CABCOCO1: variants seen among roughly 807,000 people sequenced by gnomAD.
The protein encoded by CABCOCO1 is ciliary-associated calcium-binding coiled-coil protein 1.
CABCOCO1 carries 28 observed loss-of-function variants against 35.7 expected under a neutral mutation model. The observed-to-expected ratio is 0.78, with a 90% CI of 0.58 to 1.07. The LOEUF is 1.07. CABCOCO1 is among the 50% of genes least tolerant of loss of function. CABCOCO1 has a pLI of 0.00. For missense variants in CABCOCO1, 326 were observed against 309.2 expected (o/e 1.05, Z -0.41); for synonymous variants, 95 against 100.1 (o/e 0.95, Z 0.30).
At position 61,754,789 on chromosome 10, in the gene CABCOCO1, ACT is replaced by A. The variant is rs1841862848; in HGVS notation, c.553-5269_553-5268del. 5.9e-5 allele frequency among the ~76,000 whole-genome samples: 9 copies of A among 152,204 alleles called. No individual in the cohort carries two copies. In the South Asian group the frequency reaches 1.9e-3, roughly 32 times the overall value. ...AACTTGTTGTACTGTGTTACCGTTC[ACT>A]GTTTAGGTGATTAGCATGTGTGGAT... On this transcript the variant is annotated intron_variant, in intron 5 of 7. Transcript: ENST00000648843.
intron 5 of CABCOCO1, among the ~76,000 whole-genome samples, chr10:61,754,762 C>T (rs1010373872): frequency 3.3e-5 from 5 of 152,068 alleles, no homozygotes; most frequent in Admixed American, 6.6e-5. Context: ...ATTTCCTGTC[C>T]TAACTTGTTG....
At chr10:61,727,897 T>A (rs1340373158) in intron 5 of CABCOCO1, among the ~76,000 whole-genome samples, 1 of 152,198 alleles carries the variant, frequency 6.6e-6, no homozygotes, top group Non-Finnish European at 1.5e-5. Context: ...ATATATAAAC[T>A]ATTTAAGTCA....
At chr10:61,689,250 T>G (rs1053248541) in intron 4 of CABCOCO1, among the ~76,000 whole-genome samples, 7 of 152,186 alleles carry the variant, frequency 4.6e-5, no homozygotes, top group Non-Finnish European at 1.0e-4. Context: ...TCTTAAGGCT[T>G]TCTCTAGGTA....
chr10:61,686,140 T>C lies in CABCOCO1; in HGVS notation c.434T>C (p.Phe145Ser). Residue 145 changes from phenylalanine to serine, a missense_variant, in exon 4 of 8, where the codon TTT (phenylalanine) becomes TCT (serine). By Grantham distance (155) the Phe-to-Ser change is radical. Transcript: ENST00000648843. ...CAAAAGAGTGAGGACTGGAATATCTTTGATGTAAAACAAGCCAATGCTATC... is the reference window on the plus strand; with the variant it reads ...CAAAAGAGTGAGGACTGGAATATCTCTGATGTAAAACAAGCCAATGCTATC... Reference protein sequence around the residue: ...HSQKSEDWNIFDVKQANAIID... With the variant: ...HSQKSEDWNISDVKQANAIID... The C allele has an allele frequency of 1.9e-6, 3 of 1,598,620 alleles. No individual in the cohort carries two copies. Among genetic ancestry groups the C allele is most frequent in the Non-Finnish European group, 2.6e-6 (3 of 1,175,874 alleles).
intron 4 of CABCOCO1, among the ~76,000 whole-genome samples, chr10:61,686,687 A>G (rs1037862531): frequency 2.6e-5 from 4 of 152,156 alleles, no homozygotes; most frequent in Admixed American, 1.3e-4. Context: ...ACTTCCTCAA[A>G]TTTATTACAT....
chr10:61,691,068 C>T (rs888436671), intron 5 of CABCOCO1, among the ~76,000 whole-genome samples: 4 of 152,110 alleles, frequency 2.6e-5, no homozygotes, highest in African/African-American at 7.2e-5. Context: ...ATCAAACCTA[C>T]CTTAATTGCA....
At chr10:61,734,040 C>T (rs1419474137) in intron 5 of CABCOCO1, among the ~76,000 whole-genome samples, 1 of 152,004 alleles carries the variant, frequency 6.6e-6, no homozygotes, top group Non-Finnish European at 1.5e-5. Flanking sequence ...AACTGTTATA[C>T]TTCCCCCCGC....
Position 61,739,249 on chromosome 10 carries a change from T to C in CABCOCO1, c.553-20810T>C, listed in dbSNP as rs569083777. On this transcript the variant is annotated intron_variant, in intron 5 of 7. Transcript: ENST00000648843. Reference sequence around the variant, plus strand: ...TTCTCTAGGAATCTTGCTCGAGAGGTTGAGAATTGCTACCACTTGAAAGTG... The same window carrying C: ...TTCTCTAGGAATCTTGCTCGAGAGGCTGAGAATTGCTACCACTTGAAAGTG... Among the ~76,000 whole-genome samples the C allele has an allele frequency of 7.9e-5, 12 of 152,290 alleles. No homozygotes were observed. The South Asian group carries it at 2.5e-3, about 32-fold the overall frequency.
chr10:61,730,057 G>T (rs1841264734), intron 5 of CABCOCO1, among the ~76,000 whole-genome samples: 2 of 151,850 alleles, frequency 1.3e-5, no homozygotes, highest in African/African-American at 4.8e-5. Flanking sequence ...AATTTGTTAA[G>T]ATGATAGATC....
At chr10:61,671,617 C>G (rs1839363225) in intron 1 of CABCOCO1, among the ~76,000 whole-genome samples, 1 of 152,098 alleles carries the variant, frequency 6.6e-6, no homozygotes, top group African/African-American at 2.4e-5. Context: ...TCTTTTAGGC[C>G]CCCATAACAT....
intron 5 of CABCOCO1, among the ~76,000 whole-genome samples, chr10:61,695,769 G>C (rs558434164): frequency 6.6e-6 from 1 of 151,870 alleles, no homozygotes; most frequent in African/African-American, 2.4e-5. Flanking sequence ...ACTTCATTCC[G>C]AGAAAAAAAC....
chr10:61,731,401 G>A (rs750548193), intron 5 of CABCOCO1, among the ~76,000 whole-genome samples: 30 of 151,890 alleles, frequency 2.0e-4, no homozygotes, highest in Non-Finnish European at 4.4e-5. Context: ...ATCCTCTGAG[G>A]AGGCATGGTT....
chr10:61,724,849 T>G (rs1383734634), intron 5 of CABCOCO1, among the ~76,000 whole-genome samples: 1 of 152,090 alleles, frequency 6.6e-6, no homozygotes. Context: ...CATTAGGAGA[T>G]ATACCTAATG....
At chr10:61,717,566 G>A (rs1240592934) in intron 5 of CABCOCO1, among the ~76,000 whole-genome samples, 1 of 152,012 alleles carries the variant, frequency 6.6e-6, no homozygotes, top group Non-Finnish European at 1.5e-5. Flanking sequence ...AAAAAGTATT[G>A]CATGTTCAGT....
At chr10:61,763,174 T>G (rs1380178846) in intron 7 of CABCOCO1, among the ~76,000 whole-genome samples, 1 of 152,124 alleles carries the variant, frequency 6.6e-6, no homozygotes, top group Non-Finnish European at 1.5e-5. Flanking sequence ...CATACTGTTA[T>G]TACAATTTTT....
chr10:61,690,068 T>C (rs1440391233), intron 4 of CABCOCO1, among the ~76,000 whole-genome samples: 1 of 152,166 alleles, frequency 6.6e-6, no homozygotes, highest in Non-Finnish European at 1.5e-5. Context: ...TCAGGTATTA[T>C]TATAGATTAA....
In CABCOCO1 at chr10:61,680,677, TGTTATACATGTATAAC is replaced by T. The variant is rs1564532744; in HGVS notation, c.165-465_165-450del. Among the ~76,000 whole-genome samples, 8 of 82,414 alleles carry T rather than the reference TGTTATACATGTATAAC, an allele frequency of 9.7e-5. 1 individual carries two copies. The highest frequency in any genetic ancestry group is 1.6e-4 in the Non-Finnish European group (7 of 43,600). 54.1% of individuals were successfully genotyped at this position (82,414 alleles called of 152,430 possible). ...TTATGTTATACATGTATAACATATA[TGTTATACATGTATAAC>T]ATATATATGTTATACATGTATAACA... On this transcript the variant is annotated intron_variant, in intron 2 of 7. Transcript: ENST00000648843.
At chr10:61,692,267 T>A (rs10994879) in intron 5 of CABCOCO1, among the ~76,000 whole-genome samples, 2 of 152,232 alleles carry the variant, frequency 1.3e-5, no homozygotes, top group Admixed American at 1.3e-4. Context: ...TCTTTTCATA[T>A]GTTCGTTGGC....
At chr10:61,710,511 A>G (rs576470128) in intron 5 of CABCOCO1, among the ~76,000 whole-genome samples, 117 of 152,106 alleles carry the variant, frequency 7.7e-4, no homozygotes, top group Admixed American at 1.4e-3. Context: ...TAAAATTTAC[A>G]AATAATTTTA....
Sources: allele counts gnomAD v4.1 joint callset (sites outside exome capture counted in the v4.1 genomes callset), GRCh38; gene constraint gnomAD v4.1.1; transcripts MANE v1.5; gene names NCBI Gene and HGNC (gene_info 2026-07-23, HGNC 2026-07-21).